Variants in SHROOM3 observed in about 807,000 individuals in gnomAD.
SHROOM3 encodes the protein protein Shroom3.
Under a neutral mutation model 138.6 loss-of-function variants are expected in SHROOM3, and 47 were observed. That is an observed-to-expected ratio of 0.34 (90% confidence interval 0.27 to 0.43). The LOEUF (loss-of-function observed/expected upper bound fraction) is 0.43, where lower values mean the gene tolerates loss of function less well. SHROOM3 is among the 20% of genes least tolerant of loss of function. The pLI is 1.00. For synonymous variants in SHROOM3, 1,062 were observed against 1,063.3 expected, an observed-to-expected ratio of 1.00 and a Z score of 0.02; for missense variants, 2,491 against 2,596.5, an observed-to-expected ratio of 0.96 and a Z score of 0.88.
chr4:76,472,835 C>A (rs1354246323), intron 1 of SHROOM3, among the ~76,000 whole-genome samples: 1 of 152,088 alleles, frequency 6.6e-6, no homozygotes, highest in Non-Finnish European at 1.5e-5. Context: ...GCTGGGACTA[C>A]AGACATGTGC....
chr4:76,650,503 A>G (rs1164516620), intron 2 of SHROOM3, among the ~76,000 whole-genome samples: 2 of 151,548 alleles, frequency 1.3e-5, no homozygotes, highest in East Asian at 1.9e-4. Context: ...TTGTTGCAAC[A>G]TTCTTTTTTT....
chr4:76,624,492 G>C (rs1735081188), intron 2 of SHROOM3, among the ~76,000 whole-genome samples: 1 of 152,142 alleles, frequency 6.6e-6, no homozygotes, highest in South Asian at 2.1e-4. Context: ...GCTCCAGCCT[G>C]AGTAATTTCA....
chr4:76,612,726 C>T (rs1193961068), intron 2 of SHROOM3, among the ~76,000 whole-genome samples: 1 of 152,062 alleles, frequency 6.6e-6, no homozygotes, highest in Non-Finnish European at 1.5e-5. Flanking sequence ...ATCCATTCAG[C>T]CCGGTAGTTT....
intron 2 of SHROOM3, among the ~76,000 whole-genome samples, chr4:76,683,680 C>T (rs958232893): frequency 6.6e-6 from 1 of 152,002 alleles, no homozygotes; most frequent in Non-Finnish European, 1.5e-5. Context: ...TTGTCTTATG[C>T]CTCAGCATAA....
chr4:76,772,786 T>C (rs1722408301), intron 10 of SHROOM3, among the ~76,000 whole-genome samples: 1 of 152,138 alleles, frequency 6.6e-6, no homozygotes, highest in African/African-American at 2.4e-5. Context: ...TCACAACTTA[T>C]GGAGGAAAGC....
intron 5 of SHROOM3, among the ~76,000 whole-genome samples, chr4:76,745,441 A>G (rs1253509734): frequency 6.6e-6 from 1 of 152,236 alleles, no homozygotes; most frequent in Admixed American, 6.5e-5. Flanking sequence ...CATAATCACT[A>G]TGAGATGGTG....
At chr4:76,504,662 T>C (rs540732238) in intron 1 of SHROOM3, among the ~76,000 whole-genome samples, 4 of 152,340 alleles carry the variant, frequency 2.6e-5, no homozygotes, top group South Asian at 2.1e-4. Context: ...AAATTACACA[T>C]TCTATAATCC....
intron 1 of SHROOM3, among the ~76,000 whole-genome samples, chr4:76,547,669 C>T (rs1379585153): frequency 6.6e-6 from 1 of 152,126 alleles, no homozygotes; most frequent in Non-Finnish European, 1.5e-5. Context: ...GCGGCTCATG[C>T]CTGTAATCCT....
intron 3 of SHROOM3, among the ~76,000 whole-genome samples, chr4:76,711,063 A>C (rs1241098140): frequency 6.6e-6 from 1 of 152,214 alleles, no homozygotes; most frequent in African/African-American, 2.4e-5. Flanking sequence ...GTGGTGGTAT[A>C]ATGCTGTGTG....
chr4:76,713,807 T>C lies in SHROOM3; in HGVS notation c.455+3520T>C, dbSNP rs373691019. 2.6e-5 allele frequency among the ~76,000 whole-genome samples: 4 copies of C among 152,278 alleles called. No homozygotes were observed. The South Asian group carries it at 6.2e-4, about 24-fold the overall frequency. On this transcript the variant is annotated intron_variant, in intron 3 of 10. Transcript: ENST00000296043. ...CCATTATAATCTTATGGAACCACCG[T>C]CATAATGTGCACTCCATTGTTGGCT...
intron 2 of SHROOM3, chr4:76,559,064 C>T (rs977417643): frequency 6.6e-6 from 1 of 152,228 alleles, no homozygotes; most frequent in Non-Finnish European, 1.5e-5. Flanking sequence ...CTAATGCAAT[C>T]GATAAGGTTA....
At chr4:76,554,038 A>C (rs2110028590) in intron 1 of SHROOM3, among the ~76,000 whole-genome samples, 1 of 152,336 alleles carries the variant, frequency 6.6e-6, no homozygotes, top group East Asian at 1.9e-4. Flanking sequence ...CAAATGTACA[A>C]GGCATGTGTC....
chr4:76,599,025 G>T (rs1483470820), intron 2 of SHROOM3, among the ~76,000 whole-genome samples: 1 of 152,102 alleles, frequency 6.6e-6, no homozygotes, highest in Non-Finnish European at 1.5e-5. Context: ...TATCCAGAAG[G>T]TACAGCAGGT....
At chr4:76,675,586 G>A (rs953517234) in intron 2 of SHROOM3, among the ~76,000 whole-genome samples, 1 of 152,154 alleles carries the variant, frequency 6.6e-6, no homozygotes, top group Non-Finnish European at 1.5e-5. Flanking sequence ...GGCCAGGCGC[G>A]ATGGCTGATG....
intron 2 of SHROOM3, 175 bp from the exon 3 acceptor site, chr4:76,709,981 C>T (rs1720181736): frequency 2.9e-6 from 2 of 686,930 alleles, no homozygotes; most frequent in Non-Finnish European, 5.0e-6. Context: ...GTGGATTCGC[C>T]TTCGTAGGGC....
At chr4:76,571,153 C>A (rs754780165) in intron 2 of SHROOM3, among the ~76,000 whole-genome samples, 2 of 152,116 alleles carry the variant, frequency 1.3e-5, no homozygotes, top group Non-Finnish European at 2.9e-5. Context: ...CTCACAACAC[C>A]AGTAATAGGG....
rs374140337 is a variant in SHROOM3 at position 76,741,346 on chromosome 4, G to A, written c.3173G>A (p.Arg1058His). The A allele has an allele frequency of 2.5e-6, 4 of 1,609,966 alleles. No individual in the cohort carries two copies. Among genetic ancestry groups the A allele is most frequent in the African/African-American group, 1.3e-5 (1 of 74,916 alleles). Residue 1058 changes from arginine to histidine, a missense_variant, in exon 5 of 11, where the codon CGC (arginine) becomes CAC (histidine). Arg to His is a conservative substitution (Grantham distance 29). Coordinates refer to ENST00000296043, the MANE Select transcript of SHROOM3 (RefSeq NM_020859.4). This position sits in a 1 kb window ranked among gnomAD's most constrained non-coding sequence, Gnocchi z 6.2. The stretch of plus-strand genomic sequence containing the variant: ...CCGGAGAGCAGCGTGGCCGACCGGC[G>A]CCGTCTCTTCGAGCGCGATGGCAAG... ...RFPESSVADR[R>H]RLFERDGKAC...
At position 76,646,282 on chromosome 4, in the gene SHROOM3, G is replaced by T. The variant is rs999488467; in HGVS notation, c.324-63874G>T. 4.8e-5 allele frequency among the ~76,000 whole-genome samples: 7 copies of T among 146,932 alleles called. 1 individual carries two copies. In the East Asian group the frequency reaches 1.2e-3, roughly 26 times the overall value. ...AAAAAGAACCTGTTGAATTGCAACA[G>T]TGTTCTTCTTTATGGTAACTCCATA... On this transcript the variant is annotated intron_variant, in intron 2 of 10. Coordinates refer to ENST00000296043, the MANE Select transcript of SHROOM3 (RefSeq NM_020859.4).
At chr4:76,537,400 G>T (rs1005656122) in intron 1 of SHROOM3, among the ~76,000 whole-genome samples, 6 of 152,200 alleles carry the variant, frequency 3.9e-5, no homozygotes, top group Admixed American at 3.9e-4. Context: ...CTCTAAGTGG[G>T]TTGGGGAGCT....
Sources: allele counts gnomAD v4.1 joint callset (sites outside exome capture counted in the v4.1 genomes callset), GRCh38; gene constraint gnomAD v4.1.1; non-coding constraint Gnocchi (gnomAD v3.1); transcripts MANE v1.5; gene names NCBI Gene and HGNC (gene_info 2026-07-23, HGNC 2026-07-21).